Variants in SUGCT observed in about 807,000 individuals in gnomAD.
SUGCT encodes the protein succinyl-CoA:glutarate CoA-transferase.
A neutral mutation model predicts 55.0 loss-of-function variants in SUGCT; 41 were observed. The observed-to-expected ratio is 0.74, with a 90% confidence interval of 0.58 to 0.97. The LOEUF (loss-of-function observed/expected upper bound fraction) is 0.97. Among genes scored for constraint, SUGCT ranks in the 50% least tolerant of loss-of-function variants. The probability of loss-of-function intolerance (pLI) is 0.00; values close to 1 mark genes in which losing one functional copy is unlikely to be tolerated. For synonymous variants in SUGCT, 187 were observed against 200.4 expected (o/e 0.93, Z 0.56); for missense variants, 568 against 547.8 (o/e 1.04, Z -0.37).
intron 9 of SUGCT, among the ~76,000 whole-genome samples, chr7:40,427,681 G>A (rs1162301721): frequency 1.3e-5 from 2 of 152,160 alleles, no homozygotes; most frequent in Non-Finnish European, 2.9e-5. Flanking sequence ...CGACAAGGCT[G>A]AATGTCCCAT....
intron 1 of SUGCT, among the ~76,000 whole-genome samples, chr7:40,147,761 C>T (rs1788337798): frequency 6.6e-6 from 1 of 152,184 alleles, no homozygotes; most frequent in Admixed American, 6.5e-5. Flanking sequence ...GGCGGACCTC[C>T]TCATGAGAGA....
intron 12 of SUGCT, among the ~76,000 whole-genome samples, chr7:40,501,232 T>C (rs571177235): frequency 1.3e-5 from 2 of 152,272 alleles, no homozygotes; most frequent in Non-Finnish European, 2.9e-5. Context: ...ATCATATTAT[T>C]TGTGTATTTG....
At chr7:40,500,102 G>T (rs1207515941) in intron 12 of SUGCT, among the ~76,000 whole-genome samples, 1 of 152,144 alleles carries the variant, frequency 6.6e-6, no homozygotes, top group East Asian at 1.9e-4. Context: ...CTTTGCTTAA[G>T]ACTTTTTACT....
At chr7:40,558,100 A>C (rs1583978706) in intron 12 of SUGCT, among the ~76,000 whole-genome samples, 1 of 107,784 alleles carries the variant, frequency 9.3e-6, no homozygotes, top group African/African-American at 5.1e-5. Flanking sequence ...ATTCCATACA[A>C]AAAAAAAAAA....
rs145539285 is a variant in SUGCT at position 40,518,474 on chromosome 7, A to T, written c.1089+22088A>T. ...AGATGTCATTAATAAACCAAGTGGG[A>T]ATAATAGAATGAACCAATGTCAACT... On this transcript the variant is annotated intron_variant, in intron 12 of 13. Transcript: ENST00000335693. Among the ~76,000 whole-genome samples, 1,099 of 152,296 alleles carry T rather than the reference A, an allele frequency of 7.2e-3. 11 individuals carry two copies. Among genetic ancestry groups the T allele is most frequent in the African/African-American group, 0.025 (1,052 of 41,574 alleles).
chr7:40,459,199 G>C lies in SUGCT; in HGVS notation c.986+1G>C. On this transcript the variant is annotated splice_donor_variant, in intron 11 of 13. Transcript: ENST00000335693. LOFTEE classifies it high-confidence loss of function. ...AGCTTATTAAAATATTATCTGAACG[G>C]TAAGTTTGGATGTTGTATTCATCCA... 1.3e-6 allele frequency: 2 copies of C among 1,567,968 alleles called. No individual in the cohort carries two copies. Among genetic ancestry groups the C allele is most frequent in the Non-Finnish European group, 1.8e-6 (2 of 1,141,212 alleles).
chr7:40,255,815 G>T (rs181760695), intron 7 of SUGCT, among the ~76,000 whole-genome samples: 1 of 152,106 alleles, frequency 6.6e-6, no homozygotes, highest in Non-Finnish European at 1.5e-5. Context: ...TTGGACCTTG[G>T]TCTTGATCTA....
At chr7:40,806,012 G>A (rs962334206) in intron 13 of SUGCT, among the ~76,000 whole-genome samples, 2 of 152,158 alleles carry the variant, frequency 1.3e-5, no homozygotes, top group African/African-American at 4.8e-5. Context: ...CTGCTGAGAA[G>A]GGATGGCTAG....
the SUGCT span, among the ~76,000 whole-genome samples, chr7:40,874,054 T>C: frequency 1.3e-5 from 2 of 152,232 alleles, no homozygotes; most frequent in East Asian, 3.9e-4. Flanking sequence ...TATTTGGAAA[T>C]AGAAATCTTA....
chr7:40,542,483 C>T (rs187501341), intron 12 of SUGCT, among the ~76,000 whole-genome samples: 2 of 152,254 alleles, frequency 1.3e-5, no homozygotes, highest in African/African-American at 2.4e-5. Flanking sequence ...AGTGAAAACT[C>T]AGCCTTACAC....
chr7:40,509,461 G>T (rs1035406559), intron 12 of SUGCT, among the ~76,000 whole-genome samples: 1 of 152,130 alleles, frequency 6.6e-6, no homozygotes, highest in Admixed American at 6.6e-5. Context: ...CTTTCTTAGG[G>T]TTTTGTCTTT....
At chr7:40,448,458 T>C (rs1428724066) in intron 9 of SUGCT, among the ~76,000 whole-genome samples, 2 of 152,130 alleles carry the variant, frequency 1.3e-5, no homozygotes, top group Non-Finnish European at 2.9e-5. Flanking sequence ...CTTTATTTTT[T>C]TGAATCACTC....
At chr7:40,428,329 A>G (rs1324049809) in intron 9 of SUGCT, among the ~76,000 whole-genome samples, 1 of 152,188 alleles carries the variant, frequency 6.6e-6, no homozygotes, top group African/African-American at 2.4e-5. Context: ...GAATTCAGGC[A>G]CTTTAATGTC....
chr7:40,548,128 G>A (rs1268717900), intron 12 of SUGCT, among the ~76,000 whole-genome samples: 1 of 144,060 alleles, frequency 6.9e-6, no homozygotes, highest in Admixed American at 6.9e-5. Flanking sequence ...TACTTTTTGT[G>A]TGTTTTAATT....
intron 12 of SUGCT, among the ~76,000 whole-genome samples, chr7:40,734,566 G>A (rs1469581172): frequency 6.6e-6 from 1 of 152,086 alleles, no homozygotes. Flanking sequence ...CTCTGTCCTT[G>A]CTTTACATTC....
chr7:40,664,064 C>T (rs1801475297), intron 12 of SUGCT, among the ~76,000 whole-genome samples: 1 of 152,086 alleles, frequency 6.6e-6, no homozygotes, highest in African/African-American at 2.4e-5. Flanking sequence ...ATCTACAAGC[C>T]AAGTAGAGAG....
At chr7:40,623,907 A>G (rs1289452935) in intron 12 of SUGCT, among the ~76,000 whole-genome samples, 2 of 152,172 alleles carry the variant, frequency 1.3e-5, no homozygotes, top group African/African-American at 4.8e-5. Context: ...TCAAGATTCT[A>G]TGTCTCTCTG....
chr7:40,796,170 A>C (rs1258159439), intron 13 of SUGCT, among the ~76,000 whole-genome samples: 1 of 152,192 alleles, frequency 6.6e-6, no homozygotes, highest in Non-Finnish European at 1.5e-5. Context: ...TGTTGAGCCC[A>C]CTAAATAGTC....
chr7:40,770,226 C>G (rs1054595105), intron 13 of SUGCT, among the ~76,000 whole-genome samples: 1 of 152,104 alleles, frequency 6.6e-6, no homozygotes, highest in African/African-American at 2.4e-5. Context: ...TAGATAACTT[C>G]TATTCTGCTG....
Sources: allele counts gnomAD v4.1 joint callset (sites outside exome capture counted in the v4.1 genomes callset), GRCh38; gene constraint gnomAD v4.1.1; transcripts MANE v1.5; gene names NCBI Gene and HGNC (gene_info 2026-07-23, HGNC 2026-07-21).